Variants in GDI2 observed in about 807,000 individuals in gnomAD.
The protein encoded by GDI2 is rab GDP dissociation inhibitor beta.
Under a neutral mutation model 54.2 loss-of-function variants are expected in GDI2, and 22 were observed. The observed-to-expected ratio is 0.41, with a 90% CI of 0.29 to 0.58. GDI2 has a LOEUF of 0.58. GDI2 is among the 20% of genes least tolerant of loss of function. The probability of loss-of-function intolerance (pLI) is 0.35; values close to 1 mark genes in which losing one functional copy is unlikely to be tolerated. For synonymous variants in GDI2, 177 were observed against 182.1 expected, an observed-to-expected ratio of 0.97 and a Z score of 0.23; for missense variants, 422 against 546.0, an observed-to-expected ratio of 0.77 and a Z score of 2.26.
intron 1 of GDI2, among the ~76,000 whole-genome samples, chr10:5,810,231 T>C (rs972546163): frequency 2.0e-5 from 3 of 152,240 alleles, no homozygotes; most frequent in Non-Finnish European, 4.4e-5. Context: ...AATCATCTGG[T>C]ATACATCACT....
chr10:5,795,053 A>C (rs749018393), intron 3 of GDI2, 34 bp from the exon 4 acceptor site: 1 of 1,416,146 alleles, frequency 7.1e-7, no homozygotes, highest in East Asian at 2.3e-5. Context: ...CTATAACTTA[A>C]GTCTATAAAT....
intron 1 of GDI2, among the ~76,000 whole-genome samples, chr10:5,804,170 T>C (rs2131719234): frequency 6.6e-6 from 1 of 152,048 alleles, no homozygotes; most frequent in African/African-American, 2.4e-5. Flanking sequence ...CTTGGCTCAA[T>C]GCAACCTTCA....
Position 5,776,905 on chromosome 10 carries a change from A to T in GDI2, c.720-2964T>A. 1 of 812,208 alleles carries T rather than the reference A, an allele frequency of 1.2e-6. No homozygotes were observed. The highest frequency in any genetic ancestry group is 2.2e-5 in the South Asian group (1 of 45,142). 50.3% of individuals were successfully genotyped at this position (812,208 alleles called of 1,614,324 possible). On this transcript the variant is annotated intron_variant, in intron 6 of 10. Transcript: ENST00000380191. The surrounding 1 kb of genome is among the most constrained non-coding windows in gnomAD (Gnocchi z 5.3). ...GAGGGGAGAAGAGGAAATAATGCGA[A>T]AACAGTTAATCCAGCAAAAAAATTA... is the stretch of plus-strand genomic sequence containing the variant.
At chr10:5,771,991 G>A (rs918555210) in intron 7 of GDI2, among the ~76,000 whole-genome samples, 1 of 152,076 alleles carries the variant, frequency 6.6e-6, no homozygotes, top group African/African-American at 2.4e-5. Flanking sequence ...TTGGGAGGCT[G>A]AGGCAGGAGA....
At position 5,784,391 on chromosome 10, in the gene GDI2, C is replaced by T. The variant is rs376579550; in HGVS notation, c.719+751G>A. Reference sequence around the variant, plus strand: ...CTTTCTCTCGTGCCTCCTTGATTGGCGTAATAATGACCTTGTGAATTCTTT... The same window carrying T: ...CTTTCTCTCGTGCCTCCTTGATTGGTGTAATAATGACCTTGTGAATTCTTT... On this transcript the variant is annotated intron_variant, in intron 6 of 10. Coordinates refer to ENST00000380191, the MANE Select transcript of GDI2 (RefSeq NM_001494.4). 1.1e-4 allele frequency among the ~76,000 whole-genome samples: 16 copies of T among 152,134 alleles called. 1 individual carries two copies. The East Asian group carries it at 1.3e-3, about 13-fold the overall frequency.
intron 6 of GDI2, among the ~76,000 whole-genome samples, chr10:5,777,662 T>C (rs1409009021): frequency 6.6e-6 from 1 of 152,108 alleles, no homozygotes; most frequent in Non-Finnish European, 1.5e-5. Context: ...TGTGGAGAAA[T>C]AGGAATACTT....
At chr10:5,804,382 C>G (rs1210391397) in intron 1 of GDI2, among the ~76,000 whole-genome samples, 1 of 152,190 alleles carries the variant, frequency 6.6e-6, no homozygotes, top group Non-Finnish European at 1.5e-5. Flanking sequence ...GCATGAACCA[C>G]TACGCCCAGC....
intron 1 of GDI2, among the ~76,000 whole-genome samples, chr10:5,803,357 A>G (rs1054348881): frequency 2.6e-5 from 4 of 152,108 alleles, no homozygotes; most frequent in Non-Finnish European, 5.9e-5. Context: ...CCATGAGGGC[A>G]AAGGTGCAGT....
chr10:5,793,467 G>A (rs2131706594), intron 4 of GDI2, among the ~76,000 whole-genome samples: 1 of 152,132 alleles, frequency 6.6e-6, no homozygotes. Flanking sequence ...CCAATTATCA[G>A]TCCTAACCTA....
At position 5,768,699 on chromosome 10, in the gene GDI2, G is replaced by C. The variant is rs1009304057; in HGVS notation, c.820-315C>G. On this transcript the variant is annotated intron_variant, in intron 7 of 10. Coordinates refer to ENST00000380191, the MANE Select transcript of GDI2 (RefSeq NM_001494.4). This position sits in a 1 kb window ranked among gnomAD's most constrained non-coding sequence, Gnocchi z 4.4. ...TCGCATCCACAGTACAGTGATTTTT[G>C]ACAAAGTTGCAAAGACCATTCAATG... 1 of 211,620 alleles carries C rather than the reference G, an allele frequency of 4.7e-6. No homozygotes were observed. Among genetic ancestry groups the C allele is most frequent in the African/African-American group, 2.3e-5 (1 of 43,568 alleles). The allele number at this position is 211,620 out of a possible 1,614,324, so 13.1% of individuals were successfully genotyped here.
rs184191351 is a variant in GDI2 at position 5,805,831 on chromosome 10, A to G, written c.46-5126T>C. Among the ~76,000 whole-genome samples the G allele has an allele frequency of 7.9e-5, 12 of 152,018 alleles. No individual in the cohort carries two copies. The East Asian group carries it at 2.2e-3, about 28-fold the overall frequency. On this transcript the variant is annotated intron_variant, in intron 1 of 10. Transcript: ENST00000380191. ...CTGTGTAATATCCGAGTTGGGGCCTAAACTTCCGCATTTCTGGTAAATTCT... is the reference window on the plus strand; with the variant it reads ...CTGTGTAATATCCGAGTTGGGGCCTGAACTTCCGCATTTCTGGTAAATTCT...
At position 5,768,574 on chromosome 10, in the gene GDI2, A is replaced by C; in HGVS notation, c.820-190T>G. ...AAAAGAAGAACAGCAAAGCTGGAGGACTCACTCACTAAAAAGCTACAGTGA... is the reference window on the plus strand; with the variant it reads ...AAAAGAAGAACAGCAAAGCTGGAGGCCTCACTCACTAAAAAGCTACAGTGA... On this transcript the variant is annotated intron_variant, in intron 7 of 10. Coordinates refer to ENST00000380191, the MANE Select transcript of GDI2 (RefSeq NM_001494.4). This position sits in a 1 kb window ranked among gnomAD's most constrained non-coding sequence, Gnocchi z 4.4. The C allele has an allele frequency of 1.7e-6, 1 of 571,658 alleles. No homozygotes were observed. Among genetic ancestry groups the C allele is most frequent in the East Asian group, 2.9e-5 (1 of 34,716 alleles). The allele number at this position is 571,658 out of a possible 1,614,324, so 35.4% of individuals were successfully genotyped here. A position where few individuals can be genotyped will look rare whatever the true frequency, so the allele number is the denominator to read the frequency against.
intron 6 of GDI2, among the ~76,000 whole-genome samples, chr10:5,782,605 A>G (rs1484434558): frequency 6.6e-6 from 1 of 152,236 alleles, no homozygotes; most frequent in East Asian, 1.9e-4. Flanking sequence ...ATATGCTCAT[A>G]TAATTCATAC....
Position 5,776,525 on chromosome 10 carries a change from G to C in GDI2, c.720-2584C>G. 3 of 1,485,930 alleles carry C rather than the reference G, an allele frequency of 2.0e-6. No homozygotes were observed. Among genetic ancestry groups the C allele is most frequent in the Non-Finnish European group, 1.9e-6 (2 of 1,067,252 alleles). The allele number at this position is 1,485,930 out of a possible 1,614,324, so 92.0% of individuals were successfully genotyped here. ...GCCCGAAAGATAAAACAATTATAGA[G>C]AAGCAGATTTGAAGAGGCATGTGGA... On this transcript the variant is annotated intron_variant, in intron 6 of 10. Transcript: ENST00000380191. This position sits in a 1 kb window ranked among gnomAD's most constrained non-coding sequence, Gnocchi z 5.3.
chr10:5,806,042 G>A (rs1190244855), intron 1 of GDI2, among the ~76,000 whole-genome samples: 1 of 152,116 alleles, frequency 6.6e-6, no homozygotes, highest in Non-Finnish European at 1.5e-5. Context: ...TCTTCTAAGT[G>A]TGCATTTCTG....
intron 2 of GDI2, 29 bp downstream of exon 2, chr10:5,800,569 G>C (rs1484726689): frequency 2.1e-6 from 2 of 949,622 alleles, no homozygotes; most frequent in Admixed American, 1.7e-5. Flanking sequence ...CAAAGTGTGA[G>C]AGGCGTATGA....
intron 4 of GDI2, among the ~76,000 whole-genome samples, chr10:5,794,188 AATATATAT>A (rs1165735549): frequency 0.016 from 658 of 40,190 alleles, 22 homozygotes; most frequent in South Asian, 0.022. Flanking sequence ...AAAAAAAAAA[AATATATAT>A]ATATATATAT....
At chr10:5,811,969 A>G in intron 1 of GDI2, 1 of 991,454 alleles carries the variant, frequency 1.0e-6, no homozygotes, top group Non-Finnish European at 1.3e-6. Context: ...GTAAAAAAAA[A>G]AAAAAAAATT....
intron 8 of GDI2, among the ~76,000 whole-genome samples, chr10:5,767,811 GGT>G (rs1236867767): frequency 6.6e-6 from 1 of 152,182 alleles, no homozygotes; most frequent in Non-Finnish European, 1.5e-5. Context: ...AGAAATGAAA[GGT>G]GGACACTGCT....
Sources: allele counts gnomAD v4.1 joint callset (sites outside exome capture counted in the v4.1 genomes callset), GRCh38; gene constraint gnomAD v4.1.1; non-coding constraint Gnocchi (gnomAD v3.1); transcripts MANE v1.5; gene names NCBI Gene and HGNC (gene_info 2026-07-23, HGNC 2026-07-21).